NFU1: variants seen among roughly 807,000 people sequenced by gnomAD.
The protein encoded by NFU1 is NFU1 iron-sulfur cluster scaffold.
NFU1 carries 30 observed loss-of-function variants against 32.2 expected under a neutral mutation model. The ratio of observed to expected loss-of-function variants is 0.93; its 90% confidence interval spans 0.70 to 1.26. The LOEUF is 1.26. NFU1 is among the 50% of genes most tolerant of loss of function. The pLI is 0.00. For missense variants in NFU1, 306 were observed against 306.6 expected, an observed-to-expected ratio of 1.00 and a Z score of 0.02; for synonymous variants, 112 against 104.6, an observed-to-expected ratio of 1.07 and a Z score of -0.43.
At chr2:69,428,492 T>C (rs1673539888) in intron 2 of NFU1, among the ~76,000 whole-genome samples, 1 of 152,206 alleles carries the variant, frequency 6.6e-6, no homozygotes, top group African/African-American at 2.4e-5. Flanking sequence ...TTACATGTAT[T>C]ATATCATTTA....
chr2:69,416,491 TAAAG>T (rs1228158798), intron 4 of NFU1, among the ~76,000 whole-genome samples: 1 of 150,796 alleles, frequency 6.6e-6, no homozygotes, highest in Non-Finnish European at 1.5e-5. Context: ...AAGAAGATGA[TAAAG>T]AGATTCCCAT....
chr2:69,423,748 T>C (rs1392691504), intron 2 of NFU1, 31 bp from the exon 3 acceptor site: 1 of 1,511,750 alleles, frequency 6.6e-7, no homozygotes. Flanking sequence ...AATGTTATTC[T>C]AGAAAAAACA....
chr2:69,431,854 T>C (rs1673649215), intron 2 of NFU1, 48 bp downstream of exon 2: 1 of 1,098,602 alleles, frequency 9.1e-7, no homozygotes, highest in African/African-American at 1.5e-5. Context: ...CTAGCACAGT[T>C]CCATCAGTTT....
chr2:69,407,804 G>C (rs1444544754), intron 5 of NFU1, among the ~76,000 whole-genome samples: 1 of 151,958 alleles, frequency 6.6e-6, no homozygotes, highest in Non-Finnish European at 1.5e-5. Flanking sequence ...CCTGAGGTCA[G>C]GAGTTTGAGA....
At chr2:69,414,110 C>T (rs1175037306) in intron 5 of NFU1, among the ~76,000 whole-genome samples, 1 of 152,054 alleles carries the variant, frequency 6.6e-6, no homozygotes, top group African/African-American at 2.4e-5. Context: ...TATTCATAAA[C>T]AGACTTGTAT....
chr2:69,437,429 C>G lies in NFU1; in HGVS notation c.-7G>C, dbSNP rs1208588409. The G allele has an allele frequency of 3.1e-6, 5 of 1,610,540 alleles. No homozygotes were observed. The Admixed American group carries it at 5.0e-5, about 16-fold the overall frequency. ...GCCTGGCCGTCGCCGCCATCTTAGTCCGGAGTGCCTAAGGGTCTCCCTGAC... is the reference window on the plus strand; with the variant it reads ...GCCTGGCCGTCGCCGCCATCTTAGTGCGGAGTGCCTAAGGGTCTCCCTGAC... On this transcript the variant is annotated 5_prime_UTR_variant, in exon 1 of 8. Transcript: ENST00000410022.
intron 6 of NFU1, among the ~76,000 whole-genome samples, chr2:69,404,683 A>C: frequency 8.1e-6 from 1 of 124,148 alleles, no homozygotes; most frequent in South Asian, 2.8e-4. Flanking sequence ...GCAATGGCAT[A>C]ATCTTGGCTG....
intron 7 of NFU1, among the ~76,000 whole-genome samples, chr2:69,397,379 G>A (rs1331541858): frequency 6.6e-6 from 1 of 152,076 alleles, no homozygotes; most frequent in Non-Finnish European, 1.5e-5. Context: ...GTATTACTAA[G>A]ATAACAGACT....
intron 5 of NFU1, 34 bp downstream of exon 5, chr2:69,415,151 G>A (rs764155316): frequency 1.5e-5 from 18 of 1,208,710 alleles, no homozygotes; most frequent in South Asian, 2.5e-5. Flanking sequence ...TCTAAAAAAA[G>A]GACAAATTTT....
chr2:69,396,044 G>A, downstream of NFU1: 1 of 488,020 alleles, frequency 2.0e-6, no homozygotes, highest in South Asian at 3.6e-5. Context: ...AAATATCCTT[G>A]GATAAAATCC....
chr2:69,408,684 C>T (rs539372819), intron 5 of NFU1, among the ~76,000 whole-genome samples: 7 of 142,110 alleles, frequency 4.9e-5, no homozygotes, highest in Non-Finnish European at 9.0e-5. Flanking sequence ...CACGCCACTG[C>T]ACTCCAGCCT....
intron 5 of NFU1, among the ~76,000 whole-genome samples, chr2:69,407,166 T>G (rs1311517453): frequency 6.6e-6 from 1 of 151,936 alleles, no homozygotes; most frequent in East Asian, 1.9e-4. Flanking sequence ...TTGCCCAAGA[T>G]GATCTTCAAC....
intron 2 of NFU1, among the ~76,000 whole-genome samples, chr2:69,426,579 C>T (rs1441575426): frequency 6.6e-6 from 1 of 152,076 alleles, no homozygotes; most frequent in Non-Finnish European, 1.5e-5. Flanking sequence ...AGCCACTGTG[C>T]CCGCCAACTC....
intron 6 of NFU1, among the ~76,000 whole-genome samples, chr2:69,404,082 C>A (rs1672613597): frequency 6.6e-6 from 1 of 151,376 alleles, no homozygotes; most frequent in Admixed American, 6.6e-5. Context: ...TCATGATCCA[C>A]CCACCTCGGC....
intron 2 of NFU1, among the ~76,000 whole-genome samples, chr2:69,424,738 T>C (rs745750242): frequency 2.6e-5 from 4 of 152,214 alleles, no homozygotes; most frequent in Non-Finnish European, 4.4e-5. Flanking sequence ...AGATCACTTA[T>C]TGCTGACATT....
chr2:69,424,874 A>G (rs1392950019), intron 2 of NFU1, among the ~76,000 whole-genome samples: 2 of 134,942 alleles, frequency 1.5e-5, no homozygotes, highest in African/African-American at 3.0e-5. Flanking sequence ...TACAGGGTCA[A>G]ACGCTTTTTT....
rs1302313427 is a variant in NFU1 at position 69,400,340 on chromosome 2, G to A, written c.720+24C>T. On this transcript the variant is annotated intron_variant, in intron 7 of 7. Transcript: ENST00000410022. ...AAAAAGAAAAAATGAAAAAAATCTA[G>A]ACTGTCATATAATATTGGCATACCT... is the stretch of plus-strand genomic sequence containing the variant. 3.1e-6 allele frequency: 5 copies of A among 1,599,444 alleles called. No individual in the cohort carries two copies. In the African/African-American group the frequency reaches 5.4e-5, roughly 17 times the overall value.
intron 6 of NFU1, among the ~76,000 whole-genome samples, chr2:69,404,479 ACT>A (rs1327709732): frequency 2.7e-5 from 4 of 150,766 alleles, no homozygotes; most frequent in Non-Finnish European, 4.4e-5. Flanking sequence ...ACAGAGCAAG[ACT>A]CTGTCTCAAA....
intron 5 of NFU1, 136 bp downstream of exon 5, chr2:69,415,049 A>G (rs1369628477): frequency 6.3e-6 from 4 of 630,992 alleles, no homozygotes; most frequent in Non-Finnish European, 1.1e-5. Context: ...TCAAAATGAT[A>G]TATAAATTTG....
Sources: allele counts gnomAD v4.1 joint callset (sites outside exome capture counted in the v4.1 genomes callset), GRCh38; gene constraint gnomAD v4.1.1; transcripts MANE v1.5; gene names NCBI Gene and HGNC (gene_info 2026-07-23, HGNC 2026-07-21).